The following CCNE2 variants were observed in gnomAD, a reference collection of about 807,000 sequenced individuals.
CCNE2 encodes the protein G1/S-specific cyclin-E2.
Under a neutral mutation model 56.8 loss-of-function variants are expected in CCNE2, and 18 were observed. That is an observed-to-expected ratio of 0.32 (90% confidence interval 0.22 to 0.47). The LOEUF (loss-of-function observed/expected upper bound fraction) is 0.47. CCNE2 is among the 20% of genes least tolerant of loss of function. The pLI is 1.00. For missense variants in CCNE2, 371 were observed against 467.1 expected, an observed-to-expected ratio of 0.79 and a Z score of 1.90; for synonymous variants, 139 against 149.2, an observed-to-expected ratio of 0.93 and a Z score of 0.50.
chr8:94,894,598 T>A (rs991116546), intron 1 of CCNE2: 2 of 228,762 alleles, frequency 8.7e-6, no homozygotes, highest in Non-Finnish European at 1.7e-5. Flanking sequence ...CGCCCCCACG[T>A]CCCGCCTCCC....
intron 10 of CCNE2, 41 bp from the exon 11 acceptor site, chr8:94,882,330 A>T: frequency 1.4e-6 from 2 of 1,480,684 alleles, no homozygotes; most frequent in Non-Finnish European, 1.8e-6. Flanking sequence ...TGAAGGTTGT[A>T]CATCAGAAAC....
At position 94,880,290 on chromosome 8, in the gene CCNE2, A is replaced by G; in HGVS notation, c.*1342T>C. On this transcript the variant is annotated 3_prime_UTR_variant, in exon 12 of 12. Coordinates refer to ENST00000308108, the MANE Select transcript of CCNE2 (RefSeq NM_057749.3). Reference sequence around the variant, plus strand: ...AAACAATGGGCTAAAAATAAACAGTATTAAAAGGTTAAGTTTATATAATAC... The same window carrying G: ...AAACAATGGGCTAAAAATAAACAGTGTTAAAAGGTTAAGTTTATATAATAC... 2 of 913,488 alleles carry G rather than the reference A, an allele frequency of 2.2e-6. No individual in the cohort carries two copies. Among genetic ancestry groups the G allele is most frequent in the Non-Finnish European group, 3.4e-6 (2 of 581,676 alleles). The allele number at this position is 913,488 out of a possible 1,614,324, so 56.6% of individuals were successfully genotyped here.
At chr8:94,888,928 C>G (rs1313268136) in intron 6 of CCNE2, among the ~76,000 whole-genome samples, 2 of 152,174 alleles carry the variant, frequency 1.3e-5, no homozygotes, top group East Asian at 3.9e-4. Context: ...GCGGGCGGAT[C>G]ACTTGAGGTC....
intron 8 of CCNE2, 77 bp from the exon 9 acceptor site, chr8:94,885,278 T>G: frequency 7.3e-7 from 1 of 1,366,518 alleles, no homozygotes; most frequent in Non-Finnish European, 1.0e-6. Context: ...GCTTAGAGGT[T>G]AAGTACATTC....
chr8:94,894,401 T>G, intron 1 of CCNE2, 154 bp from the exon 2 acceptor site: 1 of 661,372 alleles, frequency 1.5e-6, no homozygotes, highest in Non-Finnish European at 2.6e-6. Flanking sequence ...GTTAGCTAGC[T>G]CATGGTAATT....
intron 5 of CCNE2, 128 bp downstream of exon 5, chr8:94,892,690 T>C: frequency 1.9e-6 from 1 of 520,182 alleles, no homozygotes; most frequent in Non-Finnish European, 3.3e-6. Flanking sequence ...AAATGACATA[T>C]GATTAAATAT....
chr8:94,893,858 C>A (rs767821634), intron 4 of CCNE2, 33 bp downstream of exon 4: 1 of 1,575,290 alleles, frequency 6.3e-7, no homozygotes, highest in Non-Finnish European at 8.7e-7. Flanking sequence ...CTCCATTTTT[C>A]CCCCAAACCC....
intron 5 of CCNE2, chr8:94,891,786 G>T: frequency 6.8e-7 from 1 of 1,478,672 alleles, no homozygotes; most frequent in South Asian, 1.1e-5. Context: ...AGTGGGACTG[G>T]ACACAAGGTT....
In CCNE2 at chr8:94,880,395, G is replaced by A. The variant is rs1816761683; in HGVS notation, c.*1237C>T. ...TAGTTTAAAAACAAACTATACAGAA[G>A]ACTTCATACCGTAACAATAAATGTA... is the stretch of plus-strand genomic sequence containing the variant. On this transcript the variant is annotated 3_prime_UTR_variant, in exon 12 of 12. Transcript: ENST00000308108. 2.1e-6 allele frequency: 1 copy of A among 475,206 alleles called. No individual in the cohort carries two copies. Among genetic ancestry groups the A allele is most frequent in the Admixed American group, 3.9e-5 (1 of 25,958 alleles). The allele number at this position is 475,206 out of a possible 1,614,324, so 29.4% of individuals were successfully genotyped here. A position where few individuals can be genotyped will look rare whatever the true frequency, so the allele number is the denominator to read the frequency against.
chr8:94,882,172 C>A lies in CCNE2; in HGVS notation c.1061G>T (p.Arg354Ile). Reference protein sequence around the residue: ...KTFKKIPMEDRHNIQTHTNYL... With the variant: ...KTFKKIPMEDIHNIQTHTNYL... ...GTTTGTATGTGTCTGGATATTATGT[C>A]TGTCTTCCATAGGAATCTTCTTAAA... is the stretch of plus-strand genomic sequence containing the variant. Residue 354 changes from arginine to isoleucine, a missense_variant, in exon 11 of 12, where the codon AGA (arginine) becomes ATA (isoleucine). Transcript: ENST00000308108. The A allele has an allele frequency of 1.2e-6, 2 of 1,613,092 alleles. No individual in the cohort carries two copies. Among genetic ancestry groups the A allele is most frequent in the Non-Finnish European group, 1.7e-6 (2 of 1,179,632 alleles).
At chr8:94,883,332 C>A (rs922249669) in intron 9 of CCNE2, among the ~76,000 whole-genome samples, 2 of 151,298 alleles carry the variant, frequency 1.3e-5, no homozygotes, top group East Asian at 1.9e-4. Flanking sequence ...AGGACTGTTG[C>A]AATACAGTGT....
At chr8:94,888,641 C>G (rs994484181) in intron 6 of CCNE2, among the ~76,000 whole-genome samples, 1 of 152,010 alleles carries the variant, frequency 6.6e-6, no homozygotes, top group Admixed American at 6.6e-5. Context: ...TCTCCTACCT[C>G]AGCCTCCTGA....
intron 5 of CCNE2, among the ~76,000 whole-genome samples, chr8:94,891,066 C>G (rs1817223150): frequency 6.6e-6 from 1 of 152,094 alleles, no homozygotes; most frequent in Non-Finnish European, 1.5e-5. Flanking sequence ...ATTTCCTTTG[C>G]ATGAATAAAT....
chr8:94,895,531 C>T (rs1817471142), upstream of CCNE2, among the ~76,000 whole-genome samples: 1 of 152,242 alleles, frequency 6.6e-6, no homozygotes, highest in Non-Finnish European at 1.5e-5. Context: ...CCCACTGCAA[C>T]TCCTGGATTT....
chr8:94,896,200 G>C (rs1817544826), upstream of CCNE2, among the ~76,000 whole-genome samples: 1 of 151,058 alleles, frequency 6.6e-6, no homozygotes, highest in Non-Finnish European at 1.5e-5. Context: ...GGTGGTCCCC[G>C]GGGACCTGGC....
At chr8:94,896,181 C>A (rs577345926), upstream of CCNE2, among the ~76,000 whole-genome samples, 3 of 151,734 alleles carry the variant, frequency 2.0e-5, no homozygotes, top group Non-Finnish European at 2.9e-5. Context: ...TCCTCCTCCC[C>A]CTGAGCGCGG....
At position 94,894,066 on chromosome 8, in the gene CCNE2, T is replaced by TG; in HGVS notation, c.67dup (p.Gln23ProfsTer31). The TG allele has an allele frequency of 6.2e-7, 1 of 1,613,752 alleles. No homozygotes were observed. The highest frequency in any genetic ancestry group is 8.5e-7 in the Non-Finnish European group (1 of 1,179,814). On this transcript the variant is annotated frameshift_variant, in exon 3 of 12. Coordinates refer to ENST00000308108, the MANE Select transcript of CCNE2 (RefSeq NM_057749.3). LOFTEE classifies it high-confidence loss of function. The stretch of plus-strand genomic sequence containing the variant: ...CTTGGCCTGGATTATCTGGGCTTCT[T>TG]GGGGGGATTCCGTCTGGCTGGGCTG...
At chr8:94,891,725 T>G in intron 5 of CCNE2, 1 of 807,858 alleles carries the variant, frequency 1.2e-6, no homozygotes, top group Non-Finnish European at 2.1e-6. Context: ...AAACAGCATG[T>G]GCCATTCTGA....
intron 8 of CCNE2, 39 bp from the exon 9 acceptor site, chr8:94,885,240 A>G: frequency 6.4e-7 from 1 of 1,568,954 alleles, no homozygotes; most frequent in Non-Finnish European, 8.8e-7. Context: ...TAATGAATGT[A>G]GACACATACA....
Sources: allele counts gnomAD v4.1 joint callset (sites outside exome capture counted in the v4.1 genomes callset), GRCh38; gene constraint gnomAD v4.1.1; transcripts MANE v1.5; gene names NCBI Gene and HGNC (gene_info 2026-07-23, HGNC 2026-07-21).